Variants in CCT6B observed in about 807,000 individuals in gnomAD.
CCT6B encodes the protein chaperonin containing TCP1 subunit 6B.
A neutral mutation model predicts 61.5 loss-of-function variants in CCT6B; 49 were observed. The observed-to-expected ratio is 0.80, with a 90% CI of 0.63 to 1.01. The LOEUF (loss-of-function observed/expected upper bound fraction) is 1.01, where lower values mean the gene tolerates loss of function less well. CCT6B is among the 50% of genes least tolerant of loss of function. The pLI, the probability that CCT6B is intolerant of heterozygous loss-of-function variation, is 0.00. For missense variants in CCT6B, 666 were observed against 634.7 expected, an observed-to-expected ratio of 1.05 and a Z score of -0.53; for synonymous variants, 228 against 214.5, an observed-to-expected ratio of 1.06 and a Z score of -0.55.
Position 34,961,414 on chromosome 17 carries a change from G to GA in CCT6B, c.-22dup, listed in dbSNP as rs368850951. The GA allele has an allele frequency of 0.012, 13,719 of 1,136,766 alleles. 8 individuals carry two copies. The highest frequency in any genetic ancestry group is 0.027 in the South Asian group (1,667 of 62,494). 70.4% of individuals were successfully genotyped at this position (1,136,766 alleles called of 1,614,324 possible). ...GCCATAGCCTAACCGTTCAGAGGGA[G>GA]AAAAAAAAAAAGCCTTAGTCGCGAT... On this transcript the variant is annotated 5_prime_UTR_variant, in exon 1 of 14. Coordinates refer to ENST00000314144, the MANE Select transcript of CCT6B (RefSeq NM_006584.4).
rs748086527 is a variant in CCT6B, at chr17:34,930,989, A to C, written c.1410T>G (p.His470Gln). The C allele has an allele frequency of 1.9e-6, 3 of 1,606,746 alleles. No individual in the cohort carries two copies. The highest frequency in any genetic ancestry group is 2.2e-5 in the South Asian group (2 of 90,288). The change falls in exon 12 of 14, where the codon CAT becomes CAG. Residue 470 changes from histidine to glutamine, a missense_variant. Transcript: ENST00000314144. ...QETLVKVQAE[H>Q]VESKQLVGVD... ...CGCCCACAAGTTGTTTTGACTCGAC[A>C]TGCTCAGCCTGAACTTTTACTAATG...
intron 5 of CCT6B, among the ~76,000 whole-genome samples, chr17:34,946,367 A>G (rs2090223849): frequency 6.6e-6 from 1 of 152,230 alleles, no homozygotes; most frequent in African/African-American, 2.4e-5. Flanking sequence ...TCAAAACTTT[A>G]GATATTATAA....
At position 34,940,526 on chromosome 17, in the gene CCT6B, T is replaced by C; in HGVS notation, c.968+13A>G. ...GTTAAAAACTTAGGATATATAATTATCTGCAAGCTTACCTTTCCATATTTC... is the reference window on the plus strand; with the variant it reads ...GTTAAAAACTTAGGATATATAATTACCTGCAAGCTTACCTTTCCATATTTC... On this transcript the variant is annotated intron_variant, in intron 8 of 13. Coordinates refer to ENST00000314144, the MANE Select transcript of CCT6B (RefSeq NM_006584.4). 1 of 1,434,994 alleles carries C rather than the reference T, an allele frequency of 7.0e-7. No homozygotes were observed. The highest frequency in any genetic ancestry group is 9.6e-7 in the Non-Finnish European group (1 of 1,036,624). The allele number at this position is 1,434,994 out of a possible 1,614,324, so 88.9% of individuals were successfully genotyped here.
At position 34,930,501 on chromosome 17, in the gene CCT6B, C is replaced by A. The variant is rs201106973; in HGVS notation, c.1450+448G>T. Among the ~76,000 whole-genome samples the A allele has an allele frequency of 3.8e-3, 581 of 152,242 alleles. 3 individuals are homozygous for A. The highest frequency in any genetic ancestry group is 0.013 in the African/African-American group (530 of 41,532). Reference sequence around the variant, plus strand: ...GCCTACATGGCTAATTTCCTCACTTCCTTCCACTTTTTTTCAACAGACATC... The same window carrying A: ...GCCTACATGGCTAATTTCCTCACTTACTTCCACTTTTTTTCAACAGACATC... On this transcript the variant is annotated intron_variant, in intron 12 of 13. Coordinates refer to ENST00000314144, the MANE Select transcript of CCT6B (RefSeq NM_006584.4).
intron 2 of CCT6B, 71 bp downstream of exon 2, chr17:34,959,516 G>T: frequency 9.1e-7 from 1 of 1,095,740 alleles, no homozygotes. Flanking sequence ...TTGGCTTAAA[G>T]ATACACAAGT....
intron 5 of CCT6B, among the ~76,000 whole-genome samples, chr17:34,945,247 C>T (rs1328511776): frequency 6.6e-6 from 1 of 152,218 alleles, no homozygotes; most frequent in Non-Finnish European, 1.5e-5. Flanking sequence ...CATTTATACA[C>T]TAATGATTCT....
chr17:34,961,232 A>C (rs768797701), intron 1 of CCT6B, 25 bp downstream of exon 1: 16 of 1,583,668 alleles, frequency 1.0e-5, no homozygotes, highest in Non-Finnish European at 1.4e-5. Flanking sequence ...TAGCCGCGTA[A>C]TGGCCGCTCC....
chr17:34,935,822 ACT>A (rs1174053670), intron 10 of CCT6B, among the ~76,000 whole-genome samples: 1 of 151,482 alleles, frequency 6.6e-6, no homozygotes, highest in Non-Finnish European at 1.5e-5. Flanking sequence ...GCGCCATGGC[ACT>A]CCAGCCTGGG....
rs1004621337 is a variant in CCT6B at position 34,942,505 on chromosome 17, T to G, written c.864A>C (p.Gly288=). 1.3e-6 allele frequency: 2 copies of G among 1,591,452 alleles called. No individual in the cohort carries two copies. The highest frequency in any genetic ancestry group is 4.5e-5 in the East Asian group (2 of 44,386). The change falls in exon 7 of 14, where the codon GGA becomes GGC. Residue 288 remains glycine (G), a synonymous_variant. Coordinates refer to ENST00000314144, the MANE Select transcript of CCT6B (RefSeq NM_006584.4). ...TCACCTTTTGATTAATGACGACAAA[T>G]CCTTTATTTGACTGAGCACAGACTT... ...KDKVCAQSNK[G]FVVINQKGID...
At chr17:34,951,391 T>C (rs2090290344) in intron 5 of CCT6B, among the ~76,000 whole-genome samples, 1 of 152,206 alleles carries the variant, frequency 6.6e-6, no homozygotes, top group African/African-American at 2.4e-5. Context: ...CTTCATATGT[T>C]AGAAATTGAT....
chr17:34,948,888 A>C (rs1399793459), intron 5 of CCT6B, among the ~76,000 whole-genome samples: 1 of 151,842 alleles, frequency 6.6e-6, no homozygotes, highest in Non-Finnish European at 1.5e-5. Context: ...TATAAAAATT[A>C]GCCAGACATG....
At chr17:34,954,089 T>A (rs1343609040) in intron 4 of CCT6B, among the ~76,000 whole-genome samples, 2 of 152,204 alleles carry the variant, frequency 1.3e-5, no homozygotes, top group African/African-American at 4.8e-5. Flanking sequence ...ACAACTATCT[T>A]GTGTGTCACC....
chr17:34,931,074 A>G (rs1003883226), intron 11 of CCT6B, 23 bp from the exon 12 acceptor site: 13 of 769,032 alleles, frequency 1.7e-5, no homozygotes, highest in Non-Finnish European at 2.4e-5. Context: ...AAATAATAAT[A>G]TATATTATAT....
intron 3 of CCT6B, among the ~76,000 whole-genome samples, chr17:34,956,283 C>T (rs552596936): frequency 6.6e-6 from 1 of 152,306 alleles, no homozygotes; most frequent in South Asian, 2.1e-4. Context: ...TGTGACTTTG[C>T]TTATGTTGTT....
chr17:34,944,585 A>C (rs372964457), intron 5 of CCT6B: 6 of 152,108 alleles, frequency 3.9e-5, no homozygotes, highest in African/African-American at 1.4e-4. Context: ...TCTGACTTTT[A>C]TTTCCACCTC....
chr17:34,946,801 A>T (rs894816485), intron 5 of CCT6B, among the ~76,000 whole-genome samples: 4 of 152,246 alleles, frequency 2.6e-5, no homozygotes, highest in Non-Finnish European at 4.4e-5. Flanking sequence ...GTCAGAAACA[A>T]AGAGTACCTA....
rs944328068 is a variant in CCT6B, at chr17:34,952,474, G to A, written c.511-421C>T. Among the ~76,000 whole-genome samples, 115 of 152,136 alleles carry A rather than the reference G, an allele frequency of 7.6e-4. 1 individual carries two copies. The highest frequency in any genetic ancestry group is 1.9e-4 in the Non-Finnish European group (13 of 68,028). ...TGGAAAAGAAGGAAAGGTAATCTAAGGTAATAGCTCCAATTTGCTGGCTGT... is the reference window on the plus strand; with the variant it reads ...TGGAAAAGAAGGAAAGGTAATCTAAAGTAATAGCTCCAATTTGCTGGCTGT... On this transcript the variant is annotated intron_variant, in intron 4 of 13. Transcript: ENST00000314144.
intron 5 of CCT6B, among the ~76,000 whole-genome samples, chr17:34,947,866 C>A (rs538186551): frequency 2.0e-5 from 3 of 151,456 alleles, no homozygotes; most frequent in African/African-American, 7.3e-5. Flanking sequence ...CCTGTAGTCC[C>A]AGCTACTCGG....
chr17:34,931,562 C>T (rs921290129), intron 11 of CCT6B, among the ~76,000 whole-genome samples: 3 of 151,944 alleles, frequency 2.0e-5, no homozygotes, highest in Non-Finnish European at 2.9e-5. Context: ...TCCAAGTGGC[C>T]CCAAATCACC....
Sources: allele counts gnomAD v4.1 joint callset (sites outside exome capture counted in the v4.1 genomes callset), GRCh38; gene constraint gnomAD v4.1.1; transcripts MANE v1.5; gene names NCBI Gene and HGNC (gene_info 2026-07-23, HGNC 2026-07-21).